The following NEXMIF variants were observed in gnomAD, a reference collection of about 807,000 sequenced individuals.
The protein encoded by NEXMIF is XLMR protein related to neurite extension.
NEXMIF carries 8 observed loss-of-function variants against 62.1 expected under a neutral mutation model. The ratio of observed to expected loss-of-function variants is 0.13; its 90% CI spans 0.08 to 0.23. NEXMIF has a LOEUF of 0.23. Among genes scored for constraint, NEXMIF ranks in the 10% least tolerant of loss-of-function variants. The probability of loss-of-function intolerance (pLI) is 1.00; values close to 1 mark genes in which losing one functional copy is unlikely to be tolerated. For synonymous variants in NEXMIF, 404 were observed against 416.6 expected (o/e 0.97, Z 0.37); for missense variants, 976 against 1,113.3 (o/e 0.88, Z 1.75).
At chrX:74,761,788 T>C (rs2080176967) in intron 1 of NEXMIF, among the ~76,000 whole-genome samples, 1 of 111,428 alleles carries the variant, frequency 9.0e-6, no homozygotes, top group Non-Finnish European at 1.9e-5. Context: ...TTGCTCTTGC[T>C]TCTATAGTTC....
chrX:74,804,659 CTCT>C (rs1408670396), intron 1 of NEXMIF, among the ~76,000 whole-genome samples: 1 of 111,917 alleles, frequency 8.9e-6, no homozygotes, highest in Non-Finnish European at 1.9e-5. Flanking sequence ...TCCCTCTCCT[CTCT>C]TCAAGTGGAC....
rs191710214 is a variant in NEXMIF at position 74,784,691 on chromosome X, T to A, written c.-47-38994A>T. Among the ~76,000 whole-genome samples the A allele has an allele frequency of 3.6e-5, 4 of 110,504 alleles. No individual in the cohort carries two copies. In the East Asian group the frequency reaches 1.1e-3, roughly 31 times the overall value. On this transcript the variant is annotated intron_variant, in intron 1 of 3. Coordinates refer to ENST00000055682, the MANE Select transcript of NEXMIF (RefSeq NM_001008537.3). ...AAAGAGTTAACCCAGCAGTCTTGAG[T>A]TGCTCAAATCGTATACATTTTTAGA...
intron 1 of NEXMIF, among the ~76,000 whole-genome samples, chrX:74,913,237 T>C (rs2080796306): frequency 9.0e-6 from 1 of 111,486 alleles, no homozygotes; most frequent in African/African-American, 3.3e-5. Context: ...AAATAGAAAG[T>C]CTCATAAATA....
At chrX:74,832,734 T>G (rs1274524547) in intron 1 of NEXMIF, among the ~76,000 whole-genome samples, 4 of 111,646 alleles carry the variant, frequency 3.6e-5, no homozygotes, top group Non-Finnish European at 7.5e-5. Flanking sequence ...TCTTTTTCTT[T>G]TTTGAGGTAG....
chrX:74,811,927 G>C (rs1423116175), intron 1 of NEXMIF, among the ~76,000 whole-genome samples: 1 of 112,974 alleles, frequency 8.9e-6, no homozygotes, highest in Admixed American at 9.3e-5. Flanking sequence ...TCTAAGTAAG[G>C]TGGGGTGGGT....
intron 1 of NEXMIF, among the ~76,000 whole-genome samples, chrX:74,785,761 A>G (rs1176170552): frequency 8.9e-6 from 1 of 112,128 alleles, no homozygotes; most frequent in Non-Finnish European, 1.9e-5. Flanking sequence ...CAAAGTTTAT[A>G]GCCTTGTCTG....
chrX:74,886,053 G>T (rs1463719079), intron 1 of NEXMIF, among the ~76,000 whole-genome samples: 2 of 111,711 alleles, frequency 1.8e-5, no homozygotes, highest in African/African-American at 6.5e-5. Context: ...AAAACCACAT[G>T]GTTATCTCAA....
intron 1 of NEXMIF, among the ~76,000 whole-genome samples, chrX:74,751,844 C>CTCCT (rs1377552340): frequency 4.0e-5 from 4 of 101,152 alleles, no homozygotes; most frequent in African/African-American, 1.1e-4. Flanking sequence ...CCTTCCTTCC[C>CTCCT]TCCTTCCTTC....
rs143706937 is a variant in NEXMIF at position 74,865,892 on chromosome X, G to A, written c.-48+58991C>T. Among the ~76,000 whole-genome samples the A allele has an allele frequency of 5.3e-4, 59 of 111,877 alleles. No individual in the cohort carries two copies. The East Asian group carries it at 0.016, about 31-fold the overall frequency. On this transcript the variant is annotated intron_variant, in intron 1 of 3. Coordinates refer to ENST00000055682, the MANE Select transcript of NEXMIF (RefSeq NM_001008537.3). Reference sequence around the variant, plus strand: ...TTTCAGTGGTGGTATGGAAATGCCTGGATGTCCAGGCAGAAGTTTGCTGCC... The same window carrying A: ...TTTCAGTGGTGGTATGGAAATGCCTAGATGTCCAGGCAGAAGTTTGCTGCC...
intron 1 of NEXMIF, among the ~76,000 whole-genome samples, chrX:74,882,340 G>T (rs1416522705): frequency 8.9e-6 from 1 of 112,026 alleles, no homozygotes; most frequent in Admixed American, 9.4e-5. Flanking sequence ...AGTCGAAGGA[G>T]GTCAAGGCTT....
intron 1 of NEXMIF, among the ~76,000 whole-genome samples, chrX:74,905,148 T>G (rs1463323247): frequency 8.9e-6 from 1 of 111,752 alleles, no homozygotes; most frequent in African/African-American, 3.3e-5. Flanking sequence ...AAAAAGAGAA[T>G]AGAATAAATT....
intron 1 of NEXMIF, among the ~76,000 whole-genome samples, chrX:74,747,831 A>T (rs1005292878): frequency 5.4e-5 from 6 of 111,190 alleles, no homozygotes; most frequent in African/African-American, 2.0e-4. Context: ...GGCCAGGCTG[A>T]TCTTGAACTC....
chrX:74,807,317 T>C (rs1394011341), intron 1 of NEXMIF, among the ~76,000 whole-genome samples: 2 of 111,735 alleles, frequency 1.8e-5, no homozygotes, highest in African/African-American at 6.5e-5. Context: ...AATGGTATTG[T>C]TTTTCTTTTG....
In NEXMIF at chrX:74,740,135, C is replaced by T. The variant is rs371190782; in HGVS notation, c.4422G>A (p.Lys1474=). 149 of 1,208,685 alleles carry T rather than the reference C, an allele frequency of 1.2e-4. 3 individuals are homozygous for T. The Middle Eastern group carries it at 8.0e-3, about 65-fold the overall frequency. The change falls in exon 3 of 4, where the codon AAG becomes AAA. Residue 1474 remains lysine, a synonymous_variant. Coordinates refer to ENST00000055682, the MANE Select transcript of NEXMIF (RefSeq NM_001008537.3). ...CAAAAGAAGCTGTCCCAGACTCATCCTTGTGGACCTGTTCTCGCTCCATGT... is the reference window on the plus strand; with the variant it reads ...CAAAAGAAGCTGTCCCAGACTCATCTTTGTGGACCTGTTCTCGCTCCATGT... ...GKHMEREQVH[K]DESGTASFEK... is the part of the protein sequence containing the mutation.
chrX:74,772,065 C>A (rs1380372057), intron 1 of NEXMIF, among the ~76,000 whole-genome samples: 1 of 111,850 alleles, frequency 8.9e-6, no homozygotes, highest in Non-Finnish European at 1.9e-5. Flanking sequence ...GGGAGAACTA[C>A]CTGAATGGGG....
chrX:74,820,285 T>C (rs771363201), intron 1 of NEXMIF, among the ~76,000 whole-genome samples: 1 of 109,907 alleles, frequency 9.1e-6, no homozygotes, highest in Non-Finnish European at 1.9e-5. Flanking sequence ...TGTATACCTA[T>C]GTATCAAACC....
intron 1 of NEXMIF, among the ~76,000 whole-genome samples, chrX:74,882,812 A>G (rs1336919348): frequency 1.8e-5 from 2 of 112,297 alleles, no homozygotes; most frequent in African/African-American, 6.5e-5. Context: ...TTCTCCCAGC[A>G]TGCAGCTTGA....
At chrX:74,841,441 C>A (rs777002144) in intron 1 of NEXMIF, among the ~76,000 whole-genome samples, 2 of 111,739 alleles carry the variant, frequency 1.8e-5, no homozygotes, top group East Asian at 5.6e-4. Context: ...AGTTTGACTT[C>A]CTCTCTTTCT....
At chrX:74,913,992 G>A (rs1602276248) in intron 1 of NEXMIF, among the ~76,000 whole-genome samples, 1 of 112,183 alleles carries the variant, frequency 8.9e-6, no homozygotes, top group South Asian at 3.7e-4. Flanking sequence ...GAGTAAAAGG[G>A]TAAATATAAT....
Sources: allele counts gnomAD v4.1 joint callset (sites outside exome capture counted in the v4.1 genomes callset), GRCh38; gene constraint gnomAD v4.1.1; transcripts MANE v1.5; gene names NCBI Gene and HGNC (gene_info 2026-07-23, HGNC 2026-07-21).